TEAD4: variants seen among roughly 807,000 people sequenced by gnomAD.
TEAD4 encodes transcriptional enhancer factor TEF-3.
A neutral mutation model predicts 52.4 loss-of-function variants in TEAD4; 36 were observed. The observed-to-expected ratio is 0.69, with a 90% CI of 0.53 to 0.91. The LOEUF (loss-of-function observed/expected upper bound fraction) is 0.91. Ranked by LOEUF, TEAD4 falls within the 40% of genes least tolerant of loss-of-function variation. The pLI, the probability that TEAD4 is intolerant of heterozygous loss-of-function variation, is 0.00. For synonymous variants in TEAD4, 220 were observed against 231.0 expected (o/e 0.95, Z 0.43); for missense variants, 508 against 583.9 (o/e 0.87, Z 1.34).
intron 2 of TEAD4, among the ~76,000 whole-genome samples, chr12:2,985,116 A>C (rs1591564746): frequency 6.6e-6 from 1 of 152,116 alleles, no homozygotes; most frequent in Admixed American, 6.5e-5. Context: ...AAACGCAAAC[A>C]CCTCACGCCT....
intron 3 of TEAD4, among the ~76,000 whole-genome samples, chr12:2,995,555 C>G (rs559386515): frequency 1.3e-5 from 2 of 152,202 alleles, no homozygotes; most frequent in African/African-American, 2.4e-5. Context: ...AAAGGCCCCC[C>G]CCAACCCAGC....
At chr12:3,007,804 G>T (rs2098257141) in intron 3 of TEAD4, among the ~76,000 whole-genome samples, 1 of 152,202 alleles carries the variant, frequency 6.6e-6, no homozygotes, top group Non-Finnish European at 1.5e-5. Context: ...AAAAGTCTGG[G>T]TTTGCTCATG....
intron 2 of TEAD4, among the ~76,000 whole-genome samples, chr12:2,963,064 TG>T (rs1371157804): frequency 6.6e-6 from 1 of 152,204 alleles, no homozygotes; most frequent in Non-Finnish European, 1.5e-5. Flanking sequence ...ATAGCTGTTC[TG>T]GGGAAGGAGC....
chr12:3,005,046 G>C (rs1400696485), intron 3 of TEAD4, among the ~76,000 whole-genome samples: 1 of 152,228 alleles, frequency 6.6e-6, no homozygotes, highest in Non-Finnish European at 1.5e-5. Context: ...TCCACAGACA[G>C]CCAGGGAAAA....
chr12:3,017,888 T>A (rs946766442), intron 6 of TEAD4, among the ~76,000 whole-genome samples: 1 of 152,190 alleles, frequency 6.6e-6, no homozygotes, highest in Non-Finnish European at 1.5e-5. Flanking sequence ...GGGCAGCTCG[T>A]GCCACGCAGC....
At chr12:3,001,644 G>T (rs1197794643) in intron 3 of TEAD4, among the ~76,000 whole-genome samples, 1 of 151,954 alleles carries the variant, frequency 6.6e-6, no homozygotes, top group African/African-American at 2.4e-5. Context: ...GGGTGTGGTG[G>T]TGTGCATCTG....
At chr12:3,016,742 C>A (rs1426663066) in intron 5 of TEAD4, among the ~76,000 whole-genome samples, 2 of 152,132 alleles carry the variant, frequency 1.3e-5, no homozygotes, top group Admixed American at 1.3e-4. Flanking sequence ...ATGAATATAA[C>A]AAACGATTAC....
chr12:3,002,817 A>G (rs1474864623), intron 3 of TEAD4, among the ~76,000 whole-genome samples: 2 of 151,658 alleles, frequency 1.3e-5, no homozygotes, highest in Non-Finnish European at 2.9e-5. Context: ...GAGCAGTGCA[A>G]GCTTCTTGGG....
chr12:2,999,292 T>TC (rs766551057), intron 3 of TEAD4, among the ~76,000 whole-genome samples: 1 of 151,768 alleles, frequency 6.6e-6, no homozygotes, highest in African/African-American at 2.4e-5. Context: ...TGGTCTTTTC[T>TC]CCCCCCTCAC....
At chr12:3,012,050 A>G in intron 4 of TEAD4, 120 bp from the exon 5 acceptor site, 1 of 917,290 alleles carries the variant, frequency 1.1e-6, no homozygotes, top group East Asian at 2.6e-5. Flanking sequence ...CCTTTCATTC[A>G]TTCATTCATT....
Position 3,012,152 on chromosome 12 carries a change from C to G in TEAD4, c.292-18C>G, listed in dbSNP as rs756540914. On this transcript the variant is annotated intron_variant, in intron 4 of 12. Transcript: ENST00000359864. ...GTTGTTGGGAGGTAGAGACAGGAGT[C>G]CTCTCTCCCTGCCACAGGTCTCCAG... The G allele has an allele frequency of 6.2e-7, 1 of 1,613,378 alleles. No individual in the cohort carries two copies. Among genetic ancestry groups the G allele is most frequent in the Non-Finnish European group, 8.5e-7 (1 of 1,179,594 alleles).
Position 2,994,786 on chromosome 12 carries a change from C to T in TEAD4, c.20C>T (p.Thr7Ile), listed in dbSNP as rs138303433. 2.0e-4 allele frequency: 330 copies of T among 1,612,794 alleles called. No homozygotes were observed. Among genetic ancestry groups the T allele is most frequent in the Admixed American group, 4.0e-4 (24 of 59,918 alleles). ...GGAGCCTTGGAGGGCACGGCCGGCA[C>T]CATTACCTCCAACGAGTGGAGCTCT... The change falls in exon 3 of 13, where the codon ACC (threonine) becomes ATC (isoleucine). Residue 7 changes from threonine (T) to isoleucine (I), a missense_variant. Transcript: ENST00000359864. This position sits in a 1 kb window ranked among gnomAD's most constrained non-coding sequence, Gnocchi z 4.7.
rs571351437 is a variant in TEAD4, at chr12:3,013,133, A to T, written c.354+901A>T. 2.6e-5 allele frequency among the ~76,000 whole-genome samples: 4 copies of T among 151,814 alleles called. No homozygotes were observed. In the East Asian group the frequency reaches 7.8e-4, roughly 30 times the overall value. On this transcript the variant is annotated intron_variant, in intron 5 of 12. Transcript: ENST00000359864. ...CACGGCCATTTTTTTCTATTTTTTTATAGAGATGAGGTCTCCCTATTTTGC... is the reference window on the plus strand; with the variant it reads ...CACGGCCATTTTTTTCTATTTTTTTTTAGAGATGAGGTCTCCCTATTTTGC...
chr12:2,962,333 A>AAATATAT (rs1565518245), intron 2 of TEAD4, among the ~76,000 whole-genome samples: 8 of 38,054 alleles, frequency 2.1e-4, no homozygotes, highest in African/African-American at 3.8e-4. Context: ...TATAAATATA[A>AAATATAT]ATATATATAT....
At chr12:2,975,351 C>T (rs562561465) in intron 2 of TEAD4, among the ~76,000 whole-genome samples, 1 of 134,282 alleles carries the variant, frequency 7.4e-6, no homozygotes, top group East Asian at 2.2e-4. Context: ...GAGTCAATAT[C>T]GGCACATTAT....
At position 3,022,158 on chromosome 12, in the gene TEAD4, C is replaced by T; in HGVS notation, c.897+141C>T. The T allele has an allele frequency of 6.9e-6, 8 of 1,162,090 alleles. No individual in the cohort carries two copies. In the South Asian group the frequency reaches 1.2e-4, roughly 17 times the overall value. The allele number at this position is 1,162,090 out of a possible 1,614,324, so 72.0% of individuals were successfully genotyped here. On this transcript the variant is annotated intron_variant, in intron 10 of 12. Transcript: ENST00000359864. ...AGTGAGAAGGGGAGAGTAAGCCCAG[C>T]ATGGCTATGGGATGGTTGGAGCTGA... is the stretch of plus-strand genomic sequence containing the variant.
chr12:3,026,630 A>G (rs942568148), intron 10 of TEAD4, among the ~76,000 whole-genome samples: 1 of 152,318 alleles, frequency 6.6e-6, no homozygotes, highest in African/African-American at 2.4e-5. Context: ...GGAACCCGGG[A>G]AAGGTACTTT....
intron 10 of TEAD4, among the ~76,000 whole-genome samples, chr12:3,030,341 C>CT (rs1016271876): frequency 2.0e-4 from 31 of 152,272 alleles, no homozygotes; most frequent in African/African-American, 6.7e-4. Context: ...CCGGCTGACC[C>CT]TTTGATCTTC....
At position 3,040,604 on chromosome 12, in the gene TEAD4, C is replaced by A; in HGVS notation, c.*126C>A. ...TGAGAGGAGCAGTTGTGACTCTACC[C>A]AGGAACAAACTGTGCCTGAACCTGA... On this transcript the variant is annotated 3_prime_UTR_variant, in exon 13 of 13. Transcript: ENST00000359864. The A allele has an allele frequency of 1.2e-6, 1 of 801,748 alleles. No homozygotes were observed. Among genetic ancestry groups the A allele is most frequent in the Non-Finnish European group, 2.0e-6 (1 of 491,122 alleles). 49.7% of individuals were successfully genotyped at this position (801,748 alleles called of 1,614,324 possible).
Sources: gnomAD v4.1 joint callset for allele counts (sites outside exome capture counted in the v4.1 genomes callset) on GRCh38, gnomAD v4.1.1 for gene constraint, Gnocchi (gnomAD v3.1) non-coding constraint, MANE v1.5 for transcripts, NCBI Gene and HGNC (gene_info 2026-07-23, HGNC 2026-07-21) for gene names.